The following CACNB2 variants were observed in gnomAD, a reference collection of about 807,000 sequenced individuals.
The protein encoded by CACNB2 is voltage-dependent L-type calcium channel subunit beta-2.
In CACNB2, 42 loss-of-function variants were observed where a neutral mutation model predicts 73.3. That is an observed-to-expected ratio of 0.57 (90% CI 0.45 to 0.74). CACNB2 has a LOEUF of 0.74. Among genes scored for constraint, CACNB2 ranks in the 30% least tolerant of loss-of-function variants. CACNB2 has a pLI of 0.00. For missense variants in CACNB2, 940 were observed against 853.0 expected (o/e 1.10, Z -1.27); for synonymous variants, 348 against 310.3 (o/e 1.12, Z -1.28).
intron 2 of CACNB2, among the ~76,000 whole-genome samples, chr10:18,282,009 A>G (rs899021980): frequency 7.3e-5 from 11 of 150,732 alleles, no homozygotes; most frequent in Non-Finnish European, 8.9e-5. Flanking sequence ...AAAAGGGGGA[A>G]ATAATGTTAT....
chr10:18,451,560 T>C (rs1400960811), intron 3 of CACNB2, among the ~76,000 whole-genome samples: 1 of 152,240 alleles, frequency 6.6e-6, no homozygotes, highest in East Asian at 1.9e-4. Flanking sequence ...TCAATGTCTT[T>C]AGGGCTGTGT....
chr10:18,166,684 G>T (rs978000920), intron 2 of CACNB2, among the ~76,000 whole-genome samples: 1 of 152,116 alleles, frequency 6.6e-6, no homozygotes, highest in Non-Finnish European at 1.5e-5. Flanking sequence ...ACCACTGAGG[G>T]CCCCAGGTGG....
At chr10:18,301,981 G>A (rs2039538278) in intron 2 of CACNB2, among the ~76,000 whole-genome samples, 2 of 152,006 alleles carry the variant, frequency 1.3e-5, no homozygotes, top group African/African-American at 2.4e-5. Context: ...AGATGAATAT[G>A]TCACACTTCC....
chr10:18,533,913 T>A (rs779168538), intron 10 of CACNB2, among the ~76,000 whole-genome samples, 163 bp from the exon 11 acceptor site: 2 of 152,222 alleles, frequency 1.3e-5, no homozygotes. Flanking sequence ...GAAACAGCCC[T>A]TTCCAAAAGG....
intron 2 of CACNB2, among the ~76,000 whole-genome samples, chr10:18,356,325 T>C (rs769701682): frequency 1.3e-5 from 2 of 152,210 alleles, no homozygotes; most frequent in Admixed American, 1.3e-4. Flanking sequence ...TACCCTGTGC[T>C]CTGTCTCACT....
In CACNB2 at chr10:18,242,013, A is replaced by T. The variant is rs2036671419; in HGVS notation, c.213+91038A>T. 2.6e-5 allele frequency among the ~76,000 whole-genome samples: 4 copies of T among 152,084 alleles called. No homozygotes were observed. In the South Asian group the frequency reaches 8.3e-4, roughly 31 times the overall value. On this transcript the variant is annotated intron_variant, in intron 2 of 13. Transcript: ENST00000324631. ...CCACCAATTTTATATTTATTTCAAT[A>T]TTCAAATTCTAGTACATAGTCAAGT...
chr10:18,262,622 A>G (rs919874490), intron 2 of CACNB2, among the ~76,000 whole-genome samples: 1 of 152,212 alleles, frequency 6.6e-6, no homozygotes, highest in Non-Finnish European at 1.5e-5. Context: ...TTTAGAGTAT[A>G]AGATTAGCCG....
intron 2 of CACNB2, among the ~76,000 whole-genome samples, chr10:18,343,550 G>C (rs2041319751): frequency 6.6e-6 from 1 of 152,142 alleles, no homozygotes; most frequent in Non-Finnish European, 1.5e-5. Context: ...TACATGCATA[G>C]AATATAATTA....
intron 2 of CACNB2, among the ~76,000 whole-genome samples, chr10:18,335,247 C>T (rs1050927033): frequency 6.6e-6 from 1 of 152,066 alleles, no homozygotes; most frequent in Non-Finnish European, 1.5e-5. Context: ...CTTATTTCTT[C>T]TGGTGTCAGG....
At chr10:18,175,699 G>T (rs2033547108) in intron 2 of CACNB2, among the ~76,000 whole-genome samples, 1 of 152,208 alleles carries the variant, frequency 6.6e-6, no homozygotes, top group Non-Finnish European at 1.5e-5. Context: ...CCAGGTTCAA[G>T]CTATTCTCCT....
chr10:18,522,903 A>C (rs1482945375), intron 9 of CACNB2, among the ~76,000 whole-genome samples: 18 of 135,450 alleles, frequency 1.3e-4, no homozygotes, highest in South Asian at 5.0e-4. Context: ...AAAAAAAAAA[A>C]AAAAAAAAAA....
chr10:18,338,193 A>C (rs755436764), intron 2 of CACNB2, among the ~76,000 whole-genome samples: 1 of 152,236 alleles, frequency 6.6e-6, no homozygotes, highest in Non-Finnish European at 1.5e-5. Context: ...TACCCCAAAT[A>C]TATAAAGAAC....
At chr10:18,331,477 G>A (rs551116121) in intron 2 of CACNB2, among the ~76,000 whole-genome samples, 1 of 149,494 alleles carries the variant, frequency 6.7e-6, no homozygotes, top group Admixed American at 6.7e-5. Context: ...AAAAAAGGAT[G>A]GGGGGGTGAA....
At chr10:18,141,675 C>T (rs1027490859) in intron 1 of CACNB2, among the ~76,000 whole-genome samples, 1 of 111,286 alleles carries the variant, frequency 9.0e-6, no homozygotes, top group Non-Finnish European at 1.9e-5. Context: ...GTGGTTTTTA[C>T]GTTTTTACGT....
At chr10:18,151,091 TTGAAG>T (rs2031515207) in intron 2 of CACNB2, 116 bp downstream of exon 2, 2 of 765,438 alleles carry the variant, frequency 2.6e-6, no homozygotes, top group Non-Finnish European at 2.3e-6. Context: ...TTACTTTTAA[TTGAAG>T]TGAAGACGGT....
At chr10:18,161,119 G>C (rs1407821045) in intron 2 of CACNB2, among the ~76,000 whole-genome samples, 2 of 152,114 alleles carry the variant, frequency 1.3e-5, no homozygotes, top group Admixed American at 6.6e-5. Flanking sequence ...AATCCAAGAA[G>C]GATGGAAGAA....
intron 9 of CACNB2, 128 bp downstream of exon 9, chr10:18,519,096 C>T: frequency 1.3e-6 from 1 of 798,710 alleles, no homozygotes; most frequent in Non-Finnish European, 2.2e-6. Flanking sequence ...AAACAAGTTT[C>T]ACTCAATTTA....
intron 3 of CACNB2, among the ~76,000 whole-genome samples, chr10:18,453,187 A>C (rs906374409): frequency 6.6e-6 from 1 of 151,782 alleles, no homozygotes; most frequent in Non-Finnish European, 1.5e-5. Context: ...GCTTTTCCTG[A>C]TTTTCTCTCC....
chr10:18,481,392 G>C (rs1030209920), intron 3 of CACNB2, among the ~76,000 whole-genome samples: 1 of 150,158 alleles, frequency 6.7e-6, no homozygotes, highest in African/African-American at 2.5e-5. Context: ...GACTACAGGT[G>C]TGCACCATCA....
Sources: gnomAD v4.1 joint callset for allele counts (sites outside exome capture counted in the v4.1 genomes callset) on GRCh38, gnomAD v4.1.1 for gene constraint, MANE v1.5 for transcripts, NCBI Gene and HGNC (gene_info 2026-07-23, HGNC 2026-07-21) for gene names.